SYT16: variants seen among roughly 807,000 people sequenced by gnomAD.
SYT16 encodes synaptotagmin-16.
In SYT16, 42 loss-of-function variants were observed where a neutral mutation model predicts 61.4. The ratio of observed to expected loss-of-function variants is 0.68; its 90% CI spans 0.53 to 0.89. The LOEUF (loss-of-function observed/expected upper bound fraction) is 0.89, where lower values mean the gene tolerates loss of function less well. Ranked by LOEUF, SYT16 falls within the 40% of genes least tolerant of loss-of-function variation. The probability of loss-of-function intolerance (pLI) is 0.00; values close to 1 mark genes in which losing one functional copy is unlikely to be tolerated. For missense variants in SYT16, 804 were observed against 807.3 expected, an observed-to-expected ratio of 1.00 and a Z score of 0.05; for synonymous variants, 314 against 302.3, an observed-to-expected ratio of 1.04 and a Z score of -0.40.
At chr14:61,959,220 T>C (rs958708566) in intron 1 of SYT16, among the ~76,000 whole-genome samples, 4 of 152,178 alleles carry the variant, frequency 2.6e-5, no homozygotes, top group Admixed American at 6.5e-5. Flanking sequence ...CCATTATATG[T>C]CTTTTAATTG....
chr14:62,072,239 C>T (rs1393162894), intron 4 of SYT16, among the ~76,000 whole-genome samples: 1 of 152,188 alleles, frequency 6.6e-6, no homozygotes, highest in East Asian at 1.9e-4. Context: ...TCAAAACCAG[C>T]TCAATTGTCT....
At chr14:61,845,092 A>G (rs1437433776) in intron 1 of SYT16, among the ~76,000 whole-genome samples, 1 of 123,480 alleles carries the variant, frequency 8.1e-6, no homozygotes, top group Admixed American at 1.1e-4. Context: ...CTGTCACCCC[A>G]GCTGGAGTGC....
chr14:61,882,717 A>G (rs541766535), intron 1 of SYT16, among the ~76,000 whole-genome samples: 1 of 152,338 alleles, frequency 6.6e-6, no homozygotes, highest in Admixed American at 6.5e-5. Context: ...CCAAAGTCTC[A>G]TCTGAGACAA....
chr14:61,949,930 C>T (rs934735255), intron 1 of SYT16, among the ~76,000 whole-genome samples: 2 of 152,166 alleles, frequency 1.3e-5, no homozygotes, highest in Non-Finnish European at 2.9e-5. Flanking sequence ...ACGGTGCCTG[C>T]AAAGCACAAG....
intron 3 of SYT16, among the ~76,000 whole-genome samples, chr14:62,026,032 G>A (rs1485246800): frequency 6.6e-6 from 1 of 152,114 alleles, no homozygotes; most frequent in Non-Finnish European, 1.5e-5. Flanking sequence ...ACACTTTGCT[G>A]TCTTCATTAA....
intron 3 of SYT16, among the ~76,000 whole-genome samples, chr14:62,006,869 A>G (rs1163364431): frequency 6.6e-6 from 1 of 152,088 alleles, no homozygotes; most frequent in Non-Finnish European, 1.5e-5. Context: ...TATGCTCACT[A>G]TTTCCTGAAA....
At chr14:62,059,498 C>T (rs758494790) in intron 3 of SYT16, among the ~76,000 whole-genome samples, 4 of 151,800 alleles carry the variant, frequency 2.6e-5, no homozygotes, top group Non-Finnish European at 5.9e-5. Flanking sequence ...GTTCAAAGAG[C>T]AAAAGTTTTT....
chr14:61,906,484 A>G (rs926879536), intron 1 of SYT16, among the ~76,000 whole-genome samples: 4 of 152,110 alleles, frequency 2.6e-5, no homozygotes, highest in African/African-American at 9.7e-5. Context: ...CTGATTTAGC[A>G]TTTCAGATTC....
At chr14:62,049,829 G>A (rs1409210404) in intron 3 of SYT16, among the ~76,000 whole-genome samples, 2 of 152,328 alleles carry the variant, frequency 1.3e-5, no homozygotes, top group African/African-American at 4.8e-5. Context: ...TAGAGTTTCT[G>A]CCAAGAGATC....
intron 1 of SYT16, among the ~76,000 whole-genome samples, chr14:61,945,637 C>T (rs1237750900): frequency 1.5e-4 from 22 of 151,452 alleles, no homozygotes; most frequent in Admixed American, 4.6e-4. Flanking sequence ...GGGCGGATCA[C>T]GAGGTCAGGA....
chr14:62,086,864 A>G (rs1353591475), intron 7 of SYT16, among the ~76,000 whole-genome samples: 1 of 152,220 alleles, frequency 6.6e-6, no homozygotes, highest in Non-Finnish European at 1.5e-5. Flanking sequence ...AACCCATGGA[A>G]TAGAAAACAA....
intron 1 of SYT16, among the ~76,000 whole-genome samples, chr14:61,852,731 G>A (rs556768538): frequency 2.0e-5 from 3 of 152,220 alleles, no homozygotes; most frequent in South Asian, 2.1e-4. Flanking sequence ...CCTGTTGTTG[G>A]TGTATAGGAA....
chr14:62,044,779 G>C (rs2054898263), intron 3 of SYT16, among the ~76,000 whole-genome samples: 1 of 152,146 alleles, frequency 6.6e-6, no homozygotes, highest in Non-Finnish European at 1.5e-5. Context: ...GTGCTGATAA[G>C]CATATGTGGG....
chr14:62,079,987 CACA>C (rs2056649987), intron 5 of SYT16, among the ~76,000 whole-genome samples: 1 of 152,178 alleles, frequency 6.6e-6, no homozygotes, highest in Admixed American at 6.5e-5. Flanking sequence ...ATGAAAACCT[CACA>C]ACAACACACC....
chr14:61,821,461 A>G (rs1240142590), intron 1 of SYT16, among the ~76,000 whole-genome samples: 1 of 152,160 alleles, frequency 6.6e-6, no homozygotes, highest in Non-Finnish European at 1.5e-5. Context: ...GGTGTCAGCT[A>G]TGGCTGGGCT....
intron 7 of SYT16, among the ~76,000 whole-genome samples, chr14:62,088,929 C>T (rs4902105): frequency 6.6e-6 from 1 of 151,152 alleles, no homozygotes; most frequent in Non-Finnish European, 1.5e-5. Context: ...CTTAGCCATG[C>T]ATAGGGACTT....
At chr14:61,979,118 A>C (rs1441629205) in intron 2 of SYT16, among the ~76,000 whole-genome samples, 2 of 152,188 alleles carry the variant, frequency 1.3e-5, no homozygotes, top group Non-Finnish European at 2.9e-5. Context: ...CAAATTTTGT[A>C]AAATGGTGTG....
chr14:62,030,545 C>A (rs889722068), intron 3 of SYT16, among the ~76,000 whole-genome samples: 3 of 152,230 alleles, frequency 2.0e-5, no homozygotes, highest in Non-Finnish European at 4.4e-5. Context: ...TTGTGCTATA[C>A]ATTTTGTTTA....
intron 5 of SYT16, chr14:62,077,732 C>G (rs1304365647): frequency 6.6e-6 from 1 of 152,178 alleles, no homozygotes; most frequent in Non-Finnish European, 1.5e-5. Context: ...ATTCACAAAT[C>G]TTTTTCTCAA....
Sources: gnomAD v4.1 joint callset for allele counts (sites outside exome capture counted in the v4.1 genomes callset) on GRCh38, gnomAD v4.1.1 for gene constraint, MANE v1.5 for transcripts, NCBI Gene and HGNC (gene_info 2026-07-23, HGNC 2026-07-21) for gene names.